The following ZDHHC21 variants were observed in gnomAD, a reference collection of about 807,000 sequenced individuals.
The protein encoded by ZDHHC21 is zDHHC palmitoyltransferase 21.
In ZDHHC21, 15 loss-of-function variants were observed where a neutral mutation model predicts 34.6. The ratio of observed to expected loss-of-function variants is 0.43; its 90% CI spans 0.29 to 0.67. The LOEUF (loss-of-function observed/expected upper bound fraction) is 0.67, where lower values mean the gene tolerates loss of function less well. ZDHHC21 is among the 30% of genes least tolerant of loss of function. The pLI, the probability that ZDHHC21 is intolerant of heterozygous loss-of-function variation, is 0.14. For synonymous variants in ZDHHC21, 142 were observed against 101.8 expected, an observed-to-expected ratio of 1.40 and a Z score of -2.38; for missense variants, 344 against 327.7, an observed-to-expected ratio of 1.05 and a Z score of -0.38.
chr9:14,662,386 C>G lies in ZDHHC21; in HGVS notation c.254-60G>C, dbSNP rs1833574721. On this transcript the variant is annotated intron_variant, in intron 5 of 9. Coordinates refer to ENST00000380916, the MANE Select transcript of ZDHHC21 (RefSeq NM_178566.6). ...GCAAGTGGGTAATGCTGAAATTTACCAACAGTTGTTTAGAAGATTTTATAG... is the reference window on the plus strand; with the variant it reads ...GCAAGTGGGTAATGCTGAAATTTACGAACAGTTGTTTAGAAGATTTTATAG... 8 of 1,282,248 alleles carry G rather than the reference C, an allele frequency of 6.2e-6. No individual in the cohort carries two copies. In the Admixed American group the frequency reaches 1.4e-4, roughly 23 times the overall value. The allele number at this position is 1,282,248 out of a possible 1,614,324, so 79.4% of individuals were successfully genotyped here. A position where few individuals can be genotyped will look rare whatever the true frequency, so the allele number is the denominator to read the frequency against.
chr9:14,682,929 G>C (rs112190673), intron 2 of ZDHHC21, among the ~76,000 whole-genome samples: 1 of 152,184 alleles, frequency 6.6e-6, no homozygotes, highest in African/African-American at 2.4e-5. Flanking sequence ...ACCTGCTCCT[G>C]AGTGACTACT....
the ZDHHC21 span, among the ~76,000 whole-genome samples, chr9:14,590,259 A>T: frequency 6.6e-6 from 1 of 152,250 alleles, no homozygotes; most frequent in East Asian, 1.9e-4. Flanking sequence ...ACAGGCAGAA[A>T]AAAAGCCTTG....
At chr9:14,671,858 T>G (rs934369230) in intron 5 of ZDHHC21, among the ~76,000 whole-genome samples, 3 of 152,128 alleles carry the variant, frequency 2.0e-5, no homozygotes, top group Non-Finnish European at 4.4e-5. Flanking sequence ...TGAATAAAAT[T>G]TCATAAAATA....
Position 14,617,303 on chromosome 9 carries a change from C to G in ZDHHC21, c.*1663G>C, listed in dbSNP as rs1048854789. 1 of 151,768 alleles carries G rather than the reference C, an allele frequency of 6.6e-6. No individual in the cohort carries two copies. Among genetic ancestry groups the G allele is most frequent in the African/African-American group, 2.4e-5 (1 of 41,372 alleles). 9.4% of individuals were successfully genotyped at this position (151,768 alleles called of 1,614,324 possible). On this transcript the variant is annotated 3_prime_UTR_variant, in exon 10 of 10. Transcript: ENST00000380916. ...TATGTTCGTCTGCTGTATTTCTGTT[C>G]GTATTTCTGAGTTTGTAAGTAATAA...
chr9:14,691,572 T>G (rs1587525292), intron 1 of ZDHHC21, among the ~76,000 whole-genome samples: 1 of 152,234 alleles, frequency 6.6e-6, no homozygotes, highest in African/African-American at 2.4e-5. Context: ...ATGTCTGCAT[T>G]TTTAAATGCT....
In ZDHHC21 at chr9:14,672,811, T is replaced by C; in HGVS notation, c.253+19A>G. 1 of 1,554,096 alleles carries C rather than the reference T, an allele frequency of 6.4e-7. No individual in the cohort carries two copies. Among genetic ancestry groups the C allele is most frequent in the Non-Finnish European group, 8.8e-7 (1 of 1,136,656 alleles). ...GTAATTCTGGCATCAGCAAAACTGA[T>C]AAATCCAGAGTACCATACCTCCATG... On this transcript the variant is annotated intron_variant, in intron 5 of 9. Coordinates refer to ENST00000380916, the MANE Select transcript of ZDHHC21 (RefSeq NM_178566.6).
chr9:14,664,628 G>C (rs1834061386), intron 5 of ZDHHC21, among the ~76,000 whole-genome samples: 1 of 150,626 alleles, frequency 6.6e-6, no homozygotes, highest in South Asian at 2.1e-4. Flanking sequence ...GAAGAGAGCA[G>C]TGGTTCTCCC....
chr9:14,624,581 G>C (rs545659488), intron 8 of ZDHHC21, among the ~76,000 whole-genome samples: 1 of 152,178 alleles, frequency 6.6e-6, no homozygotes, highest in African/African-American at 2.4e-5. Context: ...CTCATATGCA[G>C]AATCTTAAAA....
chr9:14,683,041 T>A, intron 2 of ZDHHC21, among the ~76,000 whole-genome samples: 1 of 152,178 alleles, frequency 6.6e-6, no homozygotes, highest in Non-Finnish European at 1.5e-5. Flanking sequence ...AACCAGTGTG[T>A]AGAGCGAAAT....
At chr9:14,674,469 A>T in intron 3 of ZDHHC21, 84 bp from the exon 4 acceptor site, 1 of 768,370 alleles carries the variant, frequency 1.3e-6, no homozygotes, top group Non-Finnish European at 2.0e-6. Flanking sequence ...TTATAAAATG[A>T]CATTGAGTTT....
At chr9:14,606,149 A>G (rs1823009157), downstream of ZDHHC21, among the ~76,000 whole-genome samples, 1 of 152,146 alleles carries the variant, frequency 6.6e-6, no homozygotes, top group Admixed American at 6.5e-5. Context: ...GGCAAATTTA[A>G]TTTCCAAAGA....
intron 8 of ZDHHC21, among the ~76,000 whole-genome samples, chr9:14,630,375 T>C (rs1827118917): frequency 6.6e-6 from 1 of 152,206 alleles, no homozygotes; most frequent in Non-Finnish European, 1.5e-5. Flanking sequence ...ATTGTAGCAA[T>C]TCGGTCACAT....
At chr9:14,681,442 G>T (rs1564393452) in intron 2 of ZDHHC21, among the ~76,000 whole-genome samples, 1 of 152,112 alleles carries the variant, frequency 6.6e-6, no homozygotes, top group African/African-American at 2.4e-5. Context: ...CCAATTTCAT[G>T]ACCCACAGGC....
At chr9:14,609,047 A>C (rs1283112410), downstream of ZDHHC21, among the ~76,000 whole-genome samples, 3 of 151,768 alleles carry the variant, frequency 2.0e-5, no homozygotes, top group Admixed American at 6.6e-5. Context: ...ATCTAGTCTC[A>C]AATGTATGTT....
At chr9:14,664,120 G>C (rs996467773) in intron 5 of ZDHHC21, among the ~76,000 whole-genome samples, 2 of 152,122 alleles carry the variant, frequency 1.3e-5, no homozygotes, top group Admixed American at 6.5e-5. Flanking sequence ...ACTAGGGAGT[G>C]CCAGACAGTG....
At chr9:14,624,881 C>CA (rs1026654668) in intron 8 of ZDHHC21, among the ~76,000 whole-genome samples, 2 of 151,974 alleles carry the variant, frequency 1.3e-5, no homozygotes, top group Non-Finnish European at 2.9e-5. Flanking sequence ...ATTATGTATA[C>CA]AAATATTGAA....
At chr9:14,676,365 A>T (rs1293909143) in intron 3 of ZDHHC21, among the ~76,000 whole-genome samples, 1 of 151,990 alleles carries the variant, frequency 6.6e-6, no homozygotes, top group Non-Finnish European at 1.5e-5. Context: ...TCAGGGCACC[A>T]TCCCTTAGAG....
intron 8 of ZDHHC21, among the ~76,000 whole-genome samples, chr9:14,619,959 T>C (rs1280525998): frequency 2.0e-5 from 3 of 152,036 alleles, no homozygotes; most frequent in Non-Finnish European, 4.4e-5. Context: ...TAACCTTTTA[T>C]TACACTTGCT....
intron 2 of ZDHHC21, among the ~76,000 whole-genome samples, chr9:14,686,385 C>G (rs1838327383): frequency 1.3e-5 from 2 of 151,952 alleles, no homozygotes; most frequent in Admixed American, 1.3e-4. Flanking sequence ...GAACCATTCT[C>G]CAAGACAGGG....
Sources: gnomAD v4.1 joint callset for allele counts (sites outside exome capture counted in the v4.1 genomes callset) on GRCh38, gnomAD v4.1.1 for gene constraint, MANE v1.5 for transcripts, NCBI Gene and HGNC (gene_info 2026-07-23, HGNC 2026-07-21) for gene names.